The following HIPK3 variants were observed in gnomAD, a reference collection of about 807,000 sequenced individuals.
HIPK3 encodes homeodomain interacting protein kinase 3, also known as homeodomain-interacting protein kinase 3.
Under a neutral mutation model 124.2 loss-of-function variants are expected in HIPK3, and 47 were observed. The ratio of observed to expected loss-of-function variants is 0.38; its 90% confidence interval spans 0.30 to 0.48. HIPK3 has a LOEUF of 0.48. Among genes scored for constraint, HIPK3 ranks in the 20% least tolerant of loss-of-function variants. The pLI, the probability that HIPK3 is intolerant of heterozygous loss-of-function variation, is 0.98. For missense variants in HIPK3, 1,286 were observed against 1,454.3 expected (o/e 0.88, Z 1.88); for synonymous variants, 482 against 515.2 (o/e 0.94, Z 0.87).
At chr11:33,349,353 C>A in intron 14 of HIPK3, 66 bp downstream of exon 14, 1 of 1,359,516 alleles carries the variant, frequency 7.4e-7, no homozygotes, top group Non-Finnish European at 1.0e-6. Context: ...CGATTTCTTT[C>A]TGTTGTTTAA....
At position 33,348,817 on chromosome 11, in the gene HIPK3, G is replaced by A; in HGVS notation, c.2665G>A (p.Glu889Lys). The A allele has an allele frequency of 2.5e-6, 4 of 1,611,798 alleles. No individual in the cohort carries two copies. Among genetic ancestry groups the A allele is most frequent in the Non-Finnish European group, 3.4e-6 (4 of 1,178,192 alleles). ...GACTTCCCAGAGACATTCACTCAGAGAGTAAGTGCCAAACGCTGCATCCTC... is the reference window on the plus strand; with the variant it reads ...GACTTCCCAGAGACATTCACTCAGAAAGTAAGTGCCAAACGCTGCATCCTC... ...EETSQRHSLRECKGSLDCEAC... is the reference protein window; with the variant it reads ...EETSQRHSLRKCKGSLDCEAC... Residue 889 changes from glutamate to lysine, a missense_variant and splice_region_variant, in exon 13 of 17, where the codon GAA becomes AAA. Coordinates refer to ENST00000303296, the MANE Select transcript of HIPK3 (RefSeq NM_005734.5).
chr11:33,347,916 A>G lies in HIPK3; in HGVS notation c.2209A>G (p.Ile737Val). 6.2e-7 allele frequency: 1 copy of G among 1,614,178 alleles called. No individual in the cohort carries two copies. The highest frequency in any genetic ancestry group is 8.5e-7 in the Non-Finnish European group (1 of 1,180,016). ...GCCGCAGCCTCTTCTGACCAATCAG[A>G]TAACTTTATCTGCCCCTCAGCCAGT... ...VMPQPLLTNQ[I>V]TLSAPQPVSV... The change falls in exon 11 of 17, where the codon ATA becomes GTA. Residue 737 changes from isoleucine (I) to valine (V), a missense_variant. Coordinates refer to ENST00000303296, the MANE Select transcript of HIPK3 (RefSeq NM_005734.5).
At chr11:33,261,179 AATAT>A (rs1037400548) in intron 1 of HIPK3, among the ~76,000 whole-genome samples, 1 of 147,034 alleles carries the variant, frequency 6.8e-6, no homozygotes, top group East Asian at 1.9e-4. Flanking sequence ...CATTATATAA[AATAT>A]ATATTATATA....
intron 2 of HIPK3, among the ~76,000 whole-genome samples, chr11:33,294,934 C>CCT (rs1213137472): frequency 6.6e-6 from 1 of 152,082 alleles, no homozygotes; most frequent in Admixed American, 6.6e-5. Flanking sequence ...TCATTAGTGT[C>CCT]CTCTAATCTG....
In HIPK3 at chr11:33,348,571, C is replaced by A; in HGVS notation, c.2419C>A (p.Pro807Thr). 1 of 1,613,102 alleles carries A rather than the reference C, an allele frequency of 6.2e-7. No individual in the cohort carries two copies. The highest frequency in any genetic ancestry group is 1.1e-5 in the South Asian group (1 of 91,040). ...TATCCCACATTCAGCATTTATTTCT[C>A]CAAAGATAATTAATGGGAAAGATGT... ...TNIPHSAFIS[P>T]KIINGKDVEE... is the part of the protein sequence containing the mutation. Residue 807 changes from proline (P) to threonine (T), a missense_variant, in exon 13 of 17, where the codon CCA (proline) becomes ACA (threonine). Physicochemically the swap from Pro to Thr is conservative, Grantham distance 38. This residue lies in a region of HIPK3 where 810 missense variants were observed against 864.9 expected (regional missense o/e 0.94). Transcript: ENST00000303296.
Position 33,348,718 on chromosome 11 carries a change from A to C in HIPK3, c.2566A>C (p.Thr856Pro). ...ATCAGTTTCAGACAAACAGCGGCAAACCATCATTATTGCCGACTCCCCGAG... is the reference window on the plus strand; with the variant it reads ...ATCAGTTTCAGACAAACAGCGGCAACCCATCATTATTGCCGACTCCCCGAG... The part of the protein sequence containing the change: ...DSSVSDKQRQ[T>P]IIIADSPSPA... The change falls in exon 13 of 17, where the codon ACC becomes CCC. Residue 856 changes from threonine to proline, a missense_variant. Coordinates refer to ENST00000303296, the MANE Select transcript of HIPK3 (RefSeq NM_005734.5). The C allele has an allele frequency of 1.9e-6, 3 of 1,614,144 alleles. No individual in the cohort carries two copies. Among genetic ancestry groups the C allele is most frequent in the Non-Finnish European group, 2.5e-6 (3 of 1,179,976 alleles).
chr11:33,310,278 A>G (rs1398333682), intron 2 of HIPK3, among the ~76,000 whole-genome samples: 67 of 51,614 alleles, frequency 1.3e-3, no homozygotes, highest in African/African-American at 4.1e-3. Context: ...CTGTCTGTCT[A>G]TCTTATCTAT....
intron 12 of HIPK3, 104 bp downstream of exon 12, chr11:33,348,332 T>C: frequency 1.8e-6 from 2 of 1,119,732 alleles, no homozygotes; most frequent in South Asian, 1.5e-5. Context: ...TTTAAATGTA[T>C]GTAAATGCAG....
At chr11:33,274,182 G>A (rs956156668) in intron 1 of HIPK3, among the ~76,000 whole-genome samples, 1 of 152,050 alleles carries the variant, frequency 6.6e-6, no homozygotes, top group Non-Finnish European at 1.5e-5. Context: ...TGTCAGCAGT[G>A]GGCATTCGGT....
At chr11:33,340,168 C>T (rs542478787) in intron 6 of HIPK3, among the ~76,000 whole-genome samples, 1 of 152,318 alleles carries the variant, frequency 6.6e-6, no homozygotes, top group East Asian at 1.9e-4. Flanking sequence ...ACAACCTCCG[C>T]CTCACAGGCT....
intron 16 of HIPK3, among the ~76,000 whole-genome samples, 161 bp from the exon 17 acceptor site, chr11:33,352,931 G>A (rs111771793): frequency 1.3e-5 from 2 of 152,058 alleles, no homozygotes; most frequent in African/African-American, 4.8e-5. Flanking sequence ...ATATGGAATT[G>A]ATATTTTTCT....
intron 2 of HIPK3, among the ~76,000 whole-genome samples, chr11:33,306,973 C>T (rs1201430843): frequency 1.4e-5 from 2 of 146,988 alleles, no homozygotes; most frequent in Non-Finnish European, 3.0e-5. Context: ...GAATCTCACT[C>T]TGTCGCCCAG....
At chr11:33,306,778 T>C (rs1230705946) in intron 2 of HIPK3, among the ~76,000 whole-genome samples, 1 of 152,176 alleles carries the variant, frequency 6.6e-6, no homozygotes, top group Non-Finnish European at 1.5e-5. Context: ...TAAAGTGGCA[T>C]GGTTTAAAAG....
intron 3 of HIPK3, among the ~76,000 whole-genome samples, 190 bp downstream of exon 3, chr11:33,328,823 C>G (rs1265546876): frequency 6.6e-6 from 1 of 152,128 alleles, no homozygotes; most frequent in Non-Finnish European, 1.5e-5. Flanking sequence ...CATAAAGTTA[C>G]AGCCTATAGA....
intron 1 of HIPK3, among the ~76,000 whole-genome samples, chr11:33,282,596 T>C (rs746330293): frequency 1.3e-5 from 2 of 151,930 alleles, no homozygotes; most frequent in African/African-American, 2.4e-5. Context: ...GGCAGGAGAA[T>C]TACTTGAACT....
intron 2 of HIPK3, among the ~76,000 whole-genome samples, chr11:33,311,533 G>C (rs561276068): frequency 2.0e-5 from 3 of 152,042 alleles, no homozygotes; most frequent in African/African-American, 7.2e-5. Context: ...TTTTAGGTTC[G>C]CAGAAAAACT....
intron 2 of HIPK3, among the ~76,000 whole-genome samples, chr11:33,296,184 T>A (rs935918312): frequency 6.6e-6 from 1 of 152,226 alleles, no homozygotes; most frequent in African/African-American, 2.4e-5. Flanking sequence ...CCCAGATGGT[T>A]CAGAGAGAGC....
chr11:33,267,630 G>A (rs1851006465), intron 1 of HIPK3, among the ~76,000 whole-genome samples: 1 of 149,436 alleles, frequency 6.7e-6, no homozygotes, highest in African/African-American at 2.4e-5. Context: ...TGAGTAGCTG[G>A]GACTAGGCTC....
intron 2 of HIPK3, among the ~76,000 whole-genome samples, chr11:33,294,279 A>AT (rs1164527449): frequency 1.0e-5 from 1 of 97,286 alleles, no homozygotes; most frequent in African/African-American, 4.1e-5. Flanking sequence ...AAATAAGTAA[A>AT]TTTAGGCATA....
Sources: allele counts gnomAD v4.1 joint callset (sites outside exome capture counted in the v4.1 genomes callset), GRCh38; gene constraint gnomAD v4.1.1; regional missense constraint gnomAD v4.1.1; transcripts MANE v1.5; gene names NCBI Gene and HGNC (gene_info 2026-07-23, HGNC 2026-07-21).